The following USH2A variants were observed in gnomAD, a reference collection of about 807,000 sequenced individuals.
The protein encoded by USH2A is Usher syndrome 2A (autosomal recessive, mild).
Under a neutral mutation model 538.9 loss-of-function variants are expected in USH2A, and 443 were observed. The observed-to-expected ratio is 0.82, with a 90% CI of 0.76 to 0.89. The LOEUF (loss-of-function observed/expected upper bound fraction) is 0.89. USH2A is among the 40% of genes least tolerant of loss of function. The pLI, the probability that USH2A is intolerant of heterozygous loss-of-function variation, is 0.00. For missense variants in USH2A, 6,633 were observed against 6,324.8 expected (o/e 1.05, Z -1.65); for synonymous variants, 2,413 against 2,273.5 (o/e 1.06, Z -1.75).
intron 59 of USH2A, 107 bp from the exon 60 acceptor site, chr1:215,741,644 T>G: frequency 8.2e-7 from 1 of 1,221,632 alleles, no homozygotes; most frequent in Non-Finnish European, 1.1e-6. Context: ...TAACCTGTCC[T>G]TTTGCATATA....
rs1064793745 is a variant in USH2A, at chr1:216,199,931, C to T, written c.3507G>A (p.Trp1169Ter). ...PIGSDSVTLTWTTLSNQSGPI... is the reference protein window; with the variant it reads ...PIGSDSVTLT ...GACCAGATTGATTTGAGAGTGTTGT[C>T]CAGGTAAGTGTCACAGAGTCTGAGC... is the stretch of plus-strand genomic sequence containing the variant. Residue 1169 changes from tryptophan (W) to a stop codon, truncating the protein, a stop_gained, in exon 17 of 72, where the codon TGG becomes TGA. Coordinates refer to ENST00000307340, the MANE Select transcript of USH2A (RefSeq NM_206933.4). LOFTEE classifies it high-confidence loss of function. The T allele has an allele frequency of 5.0e-6, 8 of 1,614,062 alleles. No individual in the cohort carries two copies. Among genetic ancestry groups the T allele is most frequent in the Non-Finnish European group, 6.8e-6 (8 of 1,179,984 alleles).
At chr1:215,758,458 A>T in intron 58 of USH2A, 137 bp downstream of exon 58, 1 of 1,049,354 alleles carries the variant, frequency 9.5e-7, no homozygotes, top group Non-Finnish European at 1.4e-6. Flanking sequence ...AGTGTGGTTT[A>T]GATTTTTCTG....
intron 15 of USH2A, among the ~76,000 whole-genome samples, chr1:216,213,626 A>G (rs2035287703): frequency 6.6e-6 from 1 of 152,102 alleles, no homozygotes; most frequent in South Asian, 2.1e-4. Context: ...ATGTTTAAGT[A>G]TAAAACTGTA....
At chr1:216,085,034 G>T in intron 24 of USH2A, 157 bp from the exon 25 acceptor site, 1 of 685,132 alleles carries the variant, frequency 1.5e-6, no homozygotes, top group Non-Finnish European at 2.5e-6. Context: ...CACACCATCA[G>T]CTATAGTAAA....
At chr1:215,958,580 G>C (rs1222130785) in intron 37 of USH2A, among the ~76,000 whole-genome samples, 2 of 152,102 alleles carry the variant, frequency 1.3e-5, no homozygotes, top group African/African-American at 4.8e-5. Context: ...TTTAGGCTCA[G>C]AGAATGGGGG....
intron 11 of USH2A, among the ~76,000 whole-genome samples, chr1:216,287,501 C>T (rs528988300): frequency 5.3e-5 from 8 of 152,124 alleles, no homozygotes; most frequent in Middle Eastern, 6.8e-3. Flanking sequence ...AGTGACATCT[C>T]ACTGGTAGAT....
At chr1:215,626,191 C>T (rs911494260) in intron 71 of USH2A, among the ~76,000 whole-genome samples, 3 of 150,274 alleles carry the variant, frequency 2.0e-5, no homozygotes, top group African/African-American at 7.3e-5. Flanking sequence ...TACATATATA[C>T]TTGATAAAAA....
chr1:216,288,947 A>C (rs2036942177), intron 11 of USH2A, among the ~76,000 whole-genome samples: 1 of 152,180 alleles, frequency 6.6e-6, no homozygotes, highest in African/African-American at 2.4e-5. Context: ...TGGAGAAACT[A>C]TTCTTGTTTA....
chr1:215,641,636 G>T (rs1330565022), intron 67 of USH2A, among the ~76,000 whole-genome samples: 1 of 152,098 alleles, frequency 6.6e-6, no homozygotes, highest in African/African-American at 2.4e-5. Context: ...CAATATATTT[G>T]TAAAAACATT....
Position 215,900,794 on chromosome 1 carries a change from A to G in USH2A, c.7412T>C (p.Leu2471Pro). ...GGTGGAGTCGCCAGACCTCATCTGG[A>G]GTTGGTATCTGGGAGAGCCAGGAGC... ...NNAPGSPRYQ[L>P]QMRSGDSTHG... The change falls in exon 39 of 72, where the codon CTC (leucine) becomes CCC (proline). Residue 2471 changes from leucine to proline, a missense_variant. Leu to Pro is a moderately conservative substitution (Grantham distance 98). Coordinates refer to ENST00000307340, the MANE Select transcript of USH2A (RefSeq NM_206933.4). 2 of 1,613,748 alleles carry G rather than the reference A, an allele frequency of 1.2e-6. No homozygotes were observed.
At chr1:216,201,193 A>G (rs1239373083) in intron 16 of USH2A, among the ~76,000 whole-genome samples, 1 of 151,272 alleles carries the variant, frequency 6.6e-6, no homozygotes, top group East Asian at 1.9e-4. Context: ...GCTCTCCCCC[A>G]GCCTATCCCC....
chr1:216,148,923 A>T (rs185501369), intron 21 of USH2A, among the ~76,000 whole-genome samples: 9 of 152,128 alleles, frequency 5.9e-5, no homozygotes, highest in Middle Eastern at 3.4e-3. Context: ...AGCTTCACAG[A>T]CAGCCCCCAT....
At chr1:216,362,369 T>C (rs2038507519) in intron 4 of USH2A, among the ~76,000 whole-genome samples, 1 of 152,122 alleles carries the variant, frequency 6.6e-6, no homozygotes, top group Non-Finnish European at 1.5e-5. Context: ...CAAATAATTC[T>C]GAGTCAGCAT....
At chr1:216,304,962 C>T (rs2037286508) in intron 9 of USH2A, among the ~76,000 whole-genome samples, 1 of 151,860 alleles carries the variant, frequency 6.6e-6, no homozygotes, top group Non-Finnish European at 1.5e-5. Context: ...GAGGATGTTT[C>T]ACCTGCTGAT....
chr1:216,126,038 C>T (rs543668186), intron 21 of USH2A, among the ~76,000 whole-genome samples: 1 of 152,212 alleles, frequency 6.6e-6, no homozygotes, highest in Non-Finnish European at 1.5e-5. Flanking sequence ...GCCTTTTCCC[C>T]TTATCAAAGT....
chr1:216,380,887 G>A (rs2669054), intron 3 of USH2A, among the ~76,000 whole-genome samples: 93,385 of 151,934 alleles, frequency 0.61, 30,468 homozygotes, highest in East Asian at 0.81. Context: ...CTATTTGTTT[G>A]TATATTTACT....
At chr1:215,687,792 G>A (rs895586122) in intron 61 of USH2A, among the ~76,000 whole-genome samples, 4 of 151,938 alleles carry the variant, frequency 2.6e-5, no homozygotes, top group African/African-American at 9.7e-5. Context: ...TTTTCATTTG[G>A]GCCATAGCTT....
chr1:216,158,142 T>A (rs915231252), intron 21 of USH2A, among the ~76,000 whole-genome samples: 1 of 152,194 alleles, frequency 6.6e-6, no homozygotes, highest in African/African-American at 2.4e-5. Flanking sequence ...CTACTGTTGA[T>A]AGAAATTTGG....
intron 60 of USH2A, among the ~76,000 whole-genome samples, chr1:215,738,225 CATT>C (rs1285420941): frequency 2.0e-5 from 3 of 152,054 alleles, no homozygotes; most frequent in Non-Finnish European, 1.5e-5. Context: ...ACTGAAGAAT[CATT>C]ATCATACCAG....
Sources: gnomAD v4.1 joint callset for allele counts (sites outside exome capture counted in the v4.1 genomes callset) on GRCh38, gnomAD v4.1.1 for gene constraint, MANE v1.5 for transcripts, NCBI Gene and HGNC (gene_info 2026-07-23, HGNC 2026-07-21) for gene names.